The following RNF128 variants were observed in gnomAD, a reference collection of about 807,000 sequenced individuals.
RNF128 encodes ring finger protein 128.
RNF128 carries 13 observed loss-of-function variants against 26.2 expected under a neutral mutation model. The ratio of observed to expected loss-of-function variants is 0.50; its 90% CI spans 0.32 to 0.79. The LOEUF (loss-of-function observed/expected upper bound fraction) is 0.79, where lower values mean the gene tolerates loss of function less well. Among genes scored for constraint, RNF128 ranks in the 30% least tolerant of loss-of-function variants. The pLI, the probability that RNF128 is intolerant of heterozygous loss-of-function variation, is 0.03. For synonymous variants in RNF128, 149 were observed against 142.5 expected, an observed-to-expected ratio of 1.05 and a Z score of -0.32; for missense variants, 315 against 349.7, an observed-to-expected ratio of 0.90 and a Z score of 0.79.
At chrX:106,732,763 A>T (rs1929521790) in intron 1 of RNF128, among the ~76,000 whole-genome samples, 1 of 111,827 alleles carries the variant, frequency 8.9e-6, no homozygotes, top group South Asian at 3.8e-4. Context: ...TAACAAGAAA[A>T]TAATGACAAA....
At chrX:106,767,780 C>T (rs1930280802) in intron 1 of RNF128, among the ~76,000 whole-genome samples, 1 of 111,717 alleles carries the variant, frequency 9.0e-6, no homozygotes, top group East Asian at 2.8e-4. Flanking sequence ...AAAGGGCATC[C>T]CTGTCTTGTG....
chrX:106,745,149 T>C (rs1351674819), intron 1 of RNF128, among the ~76,000 whole-genome samples: 1 of 111,831 alleles, frequency 8.9e-6, no homozygotes, highest in Non-Finnish European at 1.9e-5. Flanking sequence ...ATTTTTGTGC[T>C]ATATCAAGTA....
intron 1 of RNF128, among the ~76,000 whole-genome samples, chrX:106,710,994 G>A (rs1327724795): frequency 9.0e-6 from 1 of 111,393 alleles, no homozygotes; most frequent in Non-Finnish European, 1.9e-5. Flanking sequence ...GAAGGAAGTT[G>A]GTGGGAAAAT....
chrX:106,716,639 A>G (rs1017762434), intron 1 of RNF128, among the ~76,000 whole-genome samples: 1 of 111,104 alleles, frequency 9.0e-6, no homozygotes, highest in Non-Finnish European at 1.9e-5. Context: ...CCAGCTAGGC[A>G]GCAAACTAGA....
At chrX:106,777,414 C>T (rs1001052870) in intron 2 of RNF128, among the ~76,000 whole-genome samples, 7 of 111,894 alleles carry the variant, frequency 6.3e-5, no homozygotes, top group Non-Finnish European at 1.9e-5. Context: ...AACCTGTTTC[C>T]ACTCCTTGTT....
chrX:106,704,964 G>C (rs1472120162), intron 1 of RNF128, among the ~76,000 whole-genome samples: 3 of 111,994 alleles, frequency 2.7e-5, no homozygotes, highest in African/African-American at 9.7e-5. Context: ...AGCCACTCTT[G>C]AAGGAGCTGG....
intron 1 of RNF128, among the ~76,000 whole-genome samples, chrX:106,766,713 G>T (rs1346881188): frequency 2.7e-5 from 3 of 111,802 alleles, no homozygotes; most frequent in African/African-American, 9.7e-5. Context: ...AAGCTCTTTA[G>T]TTTAATTAGA....
In RNF128 at chrX:106,790,662, A is replaced by T. The variant is rs185637892; in HGVS notation, c.984+380A>T. 2.3e-3 allele frequency among the ~76,000 whole-genome samples: 259 copies of T among 111,342 alleles called. 3 individuals carry two copies. The highest frequency in any genetic ancestry group is 8.0e-3 in the African/African-American group (245 of 30,754). Reference sequence around the variant, plus strand: ...ATTATAATTTTATATTTGGTAAATGAAAAAAAGGCCTATTTTCAAGATACA... The same window carrying T: ...ATTATAATTTTATATTTGGTAAATGTAAAAAAGGCCTATTTTCAAGATACA... On this transcript the variant is annotated intron_variant, in intron 5 of 6. Coordinates refer to ENST00000255499, the MANE Select transcript of RNF128 (RefSeq NM_194463.2).
intron 1 of RNF128, among the ~76,000 whole-genome samples, chrX:106,756,410 C>T (rs1164298476): frequency 9.2e-6 from 1 of 108,943 alleles, no homozygotes; most frequent in Non-Finnish European, 1.9e-5. Flanking sequence ...TGGAACAGAA[C>T]AGAGCCCTCA....
At chrX:106,760,459 G>A (rs1290488813) in intron 1 of RNF128, among the ~76,000 whole-genome samples, 3 of 111,799 alleles carry the variant, frequency 2.7e-5, no homozygotes, top group African/African-American at 6.5e-5. Flanking sequence ...AGTTAGGATG[G>A]CTATTATAAA....
intron 2 of RNF128, among the ~76,000 whole-genome samples, chrX:106,773,845 C>G (rs1481271550): frequency 1.8e-5 from 2 of 111,421 alleles, no homozygotes. Context: ...TAAATTGTCC[C>G]CCTCAGCCCC....
chrX:106,789,086 GTATATAGTATATATATAC>G (rs1342076979), intron 4 of RNF128, among the ~76,000 whole-genome samples: 9 of 81,323 alleles, frequency 1.1e-4, no homozygotes, highest in African/African-American at 4.1e-4. Context: ...ATACTATATA[GTATATAGTATATATATAC>G]TATATACTAT....
In RNF128 at chrX:106,785,639, G is replaced by A. The variant is rs1930643352; in HGVS notation, c.804+503G>A. 2.7e-5 allele frequency among the ~76,000 whole-genome samples: 3 copies of A among 111,893 alleles called. No homozygotes were observed. In the South Asian group the frequency reaches 1.1e-3, roughly 42 times the overall value. On this transcript the variant is annotated intron_variant, in intron 3 of 6. Transcript: ENST00000255499. The stretch of plus-strand genomic sequence containing the variant: ...GGAGTGCAGTATTGCCAATGCCTTG[G>A]TTATAGACTTCGGATTTCCAGAACA...
At chrX:106,722,048 G>A (rs138968364), upstream of RNF128, among the ~76,000 whole-genome samples, 337 of 111,479 alleles carry the variant, frequency 3.0e-3, no homozygotes, top group African/African-American at 0.01. Context: ...GGTGAAGTCT[G>A]GTACAGGGGG....
At chrX:106,755,326 C>G (rs1249414030) in intron 1 of RNF128, among the ~76,000 whole-genome samples, 4 of 111,101 alleles carry the variant, frequency 3.6e-5, no homozygotes, top group African/African-American at 9.8e-5. Context: ...TTTTGCCAAA[C>G]GTTTAAAGAA....
In RNF128 at chrX:106,790,295, A is replaced by G. The variant is rs746165661; in HGVS notation, c.984+13A>G. Reference sequence around the variant, plus strand: ...TTTGGGAATTGAGGTAAACATTAATATGTTATTTATATGAAGAATATATGC... The same window carrying G: ...TTTGGGAATTGAGGTAAACATTAATGTGTTATTTATATGAAGAATATATGC... On this transcript the variant is annotated intron_variant, in intron 5 of 6. Transcript: ENST00000255499. 41 of 1,070,214 alleles carry G rather than the reference A, an allele frequency of 3.8e-5. No individual in the cohort carries two copies. Among genetic ancestry groups the G allele is most frequent in the Non-Finnish European group, 5.1e-5 (39 of 771,690 alleles). The allele number at this position is 1,070,214 out of a possible 1,213,427, so 88.2% of individuals were successfully genotyped here. A position where few individuals can be genotyped will look rare whatever the true frequency, so the allele number is the denominator to read the frequency against.
upstream of RNF128, among the ~76,000 whole-genome samples, chrX:106,724,039 T>G (rs1929357130): frequency 9.0e-6 from 1 of 111,122 alleles, no homozygotes; most frequent in Admixed American, 9.6e-5. Context: ...TCTACCTGGT[T>G]ACATCATAGG....
intron 3 of RNF128, among the ~76,000 whole-genome samples, chrX:106,786,510 A>G (rs772241546): frequency 8.9e-6 from 1 of 111,835 alleles, no homozygotes; most frequent in East Asian, 2.8e-4. Context: ...TTTTAGAACA[A>G]AACGTTAAAG....
At chrX:106,742,612 C>T (rs1416006987) in intron 1 of RNF128, among the ~76,000 whole-genome samples, 1 of 111,520 alleles carries the variant, frequency 9.0e-6, no homozygotes, top group Non-Finnish European at 1.9e-5. Flanking sequence ...TTCAGGGGTC[C>T]ATGAGATCAA....
Sources: gnomAD v4.1 joint callset for allele counts (sites outside exome capture counted in the v4.1 genomes callset) on GRCh38, gnomAD v4.1.1 for gene constraint, MANE v1.5 for transcripts, NCBI Gene and HGNC (gene_info 2026-07-23, HGNC 2026-07-21) for gene names.